The following ZNF75A variants were observed in gnomAD, a reference collection of about 807,000 sequenced individuals.
ZNF75A encodes zinc finger protein 75A.
A neutral mutation model predicts 46.3 loss-of-function variants in ZNF75A; 36 were observed. The ratio of observed to expected loss-of-function variants is 0.78; its 90% CI spans 0.60 to 1.03. ZNF75A has a LOEUF of 1.03. Ranked by LOEUF, ZNF75A falls within the 50% of genes least tolerant of loss-of-function variation. The pLI, the probability that ZNF75A is intolerant of heterozygous loss-of-function variation, is 0.00. For missense variants in ZNF75A, 595 were observed against 551.3 expected (o/e 1.08, Z -0.79); for synonymous variants, 234 against 189.9 (o/e 1.23, Z -1.91).
At chr16:3,312,083 C>A in intron 3 of ZNF75A, 135 bp downstream of exon 3, 1 of 259,464 alleles carries the variant, frequency 3.9e-6, no homozygotes, top group Non-Finnish European at 6.0e-6. Context: ...CTATGATGTC[C>A]TTCCAGGCAG....
chr16:3,308,177 AAAAC>A (rs538196550), intron 1 of ZNF75A, 132 bp from the exon 2 acceptor site: 71 of 153,136 alleles, frequency 4.6e-4, no homozygotes, highest in Admixed American at 1.2e-3. Context: ...GAAAAGGAGA[AAAAC>A]AAAGGGCCTG....
At chr16:3,321,924 C>G (rs536451208), downstream of ZNF75A, among the ~76,000 whole-genome samples, 37 of 152,334 alleles carry the variant, frequency 2.4e-4, no homozygotes, top group East Asian at 5.8e-3. Context: ...CCAGCAGCCT[C>G]TTTTATCCAA....
At position 3,311,782 on chromosome 16, in the gene ZNF75A, A is replaced by G; in HGVS notation, c.438A>G (p.Ala146=). The change falls in exon 3 of 7, where the codon GCA becomes GCG. Residue 146 remains alanine, a synonymous_variant. Transcript: ENST00000669516. Reference sequence around the variant, plus strand: ...CAGTCCATGAGCTGGGAAAGGAGGCAGTGCTCTTGGGAGAAACAGCAGAGG... The same window carrying G: ...CAGTCCATGAGCTGGGAAAGGAGGCGGTGCTCTTGGGAGAAACAGCAGAGG... ...GVAVHELGKE[A]VLLGETAEAS... 6 of 1,050,558 alleles carry G rather than the reference A, an allele frequency of 5.7e-6. No homozygotes were observed. Among genetic ancestry groups the G allele is most frequent in the Non-Finnish European group, 7.0e-6 (6 of 863,006 alleles). 65.1% of individuals were successfully genotyped at this position (1,050,558 alleles called of 1,614,324 possible).
chr16:3,321,844 G>C (rs368238771), downstream of ZNF75A, among the ~76,000 whole-genome samples: 5 of 152,290 alleles, frequency 3.3e-5, no homozygotes, highest in African/African-American at 9.6e-5. Context: ...AAAACTCCTA[G>C]GGTTTCTGTT....
intron 1 of ZNF75A, chr16:3,306,462 C>T (rs1202310097): frequency 6.6e-6 from 1 of 152,096 alleles, no homozygotes; most frequent in Non-Finnish European, 1.5e-5. Context: ...GCCTGTAATC[C>T]CAGCACTTTG....
rs1481656177 is a variant in ZNF75A at position 3,308,444 on chromosome 16, C to T, written c.16C>T (p.Leu6=). Residue 6 remains leucine (L), a synonymous_variant, in exon 2 of 7, where the codon CTG becomes TTG. Coordinates refer to ENST00000669516, the MANE Select transcript of ZNF75A (RefSeq NM_001302109.2). ...CTAGAGCAGAATGATGATGGTAGAT[C>T]TGAAAGTGGCTGCGTACTTGGACCC... MMMVD[L]KVAAYLDPQI... 15 of 985,758 alleles carry T rather than the reference C, an allele frequency of 1.5e-5. No homozygotes were observed. The highest frequency in any genetic ancestry group is 1.6e-5 in the Non-Finnish European group (13 of 829,962). 61.1% of individuals were successfully genotyped at this position (985,758 alleles called of 1,614,324 possible).
At chr16:3,323,050 T>TA (rs2030004006), downstream of ZNF75A, 1 of 643,618 alleles carries the variant, frequency 1.6e-6, no homozygotes, top group African/African-American at 1.9e-5. Flanking sequence ...TCTTTTTTTT[T>TA]AACCCTTCCT....
intron 2 of ZNF75A, among the ~76,000 whole-genome samples, chr16:3,310,411 A>G (rs1960666041): frequency 6.6e-6 from 1 of 151,844 alleles, no homozygotes; most frequent in South Asian, 2.1e-4. Context: ...AAATGTTTTT[A>G]AAAATTAGGA....
Position 3,317,972 on chromosome 16 carries a change from A to G in ZNF75A, c.*103A>G. 2 of 1,460,918 alleles carry G rather than the reference A, an allele frequency of 1.4e-6. No homozygotes were observed. Among genetic ancestry groups the G allele is most frequent in the Non-Finnish European group, 1.8e-6 (2 of 1,112,832 alleles). The allele number at this position is 1,460,918 out of a possible 1,614,324, so 90.5% of individuals were successfully genotyped here. ...AATCACAAACCTTGAAAAATTTTACATCAGAAAATGGGATAAACATACATT... is the reference window on the plus strand; with the variant it reads ...AATCACAAACCTTGAAAAATTTTACGTCAGAAAATGGGATAAACATACATT... On this transcript the variant is annotated 3_prime_UTR_variant, in exon 7 of 7. Transcript: ENST00000669516.
At chr16:3,313,665 CG>C (rs1459097047) in intron 5 of ZNF75A, among the ~76,000 whole-genome samples, 3 of 152,218 alleles carry the variant, frequency 2.0e-5, no homozygotes, top group African/African-American at 7.2e-5. Context: ...TTAACAGGTG[CG>C]CCTGCATCTC....
chr16:3,318,869 G>T, downstream of ZNF75A: 1 of 981,364 alleles, frequency 1.0e-6, no homozygotes, highest in Non-Finnish European at 1.2e-6. Context: ...GTTGGGCGAG[G>T]ATGAGCAAAT....
At chr16:3,310,766 A>G in intron 2 of ZNF75A, 1 of 985,434 alleles carries the variant, frequency 1.0e-6, no homozygotes, top group Non-Finnish European at 1.2e-6. Context: ...ACTGATGGGT[A>G]ATGTCCTCCC....
At chr16:3,307,735 T>A (rs566362135) in intron 1 of ZNF75A, 1 of 151,674 alleles carries the variant, frequency 6.6e-6, no homozygotes, top group Non-Finnish European at 1.5e-5. Flanking sequence ...CTCGCTATGT[T>A]GCTCAGGCTG....
rs752167654 is a variant in ZNF75A, at chr16:3,308,604, C to T, written c.176C>T (p.Ala59Val). 21 of 986,024 alleles carry T rather than the reference C, an allele frequency of 2.1e-5. No homozygotes were observed. The highest frequency in any genetic ancestry group is 3.5e-5 in the African/African-American group (2 of 57,242). The allele number at this position is 986,024 out of a possible 1,614,324, so 61.1% of individuals were successfully genotyped here. A position where few individuals can be genotyped will look rare whatever the true frequency, so the allele number is the denominator to read the frequency against. ...TTCCGGAATTTCACCTATGATGAAG[C>T]AGGTGGACCCCGTGAGGCTGTCAGC... is the stretch of plus-strand genomic sequence containing the variant. ...WHFRNFTYDEAGGPREAVSKL... is the reference protein window; with the variant it reads ...WHFRNFTYDEVGGPREAVSKL... Residue 59 changes from alanine (A) to valine (V), a missense_variant, in exon 2 of 7, where the codon GCA becomes GTA. Transcript: ENST00000669516.
In ZNF75A at chr16:3,317,624, C is replaced by A; in HGVS notation, c.1369C>A (p.Pro457Thr). 3.7e-6 allele frequency: 6 copies of A among 1,614,078 alleles called. No homozygotes were observed. The highest frequency in any genetic ancestry group is 5.1e-6 in the Non-Finnish European group (6 of 1,180,006). Residue 457 changes from proline to threonine, a missense_variant, in exon 7 of 7, where the codon CCA becomes ACA. Pro to Thr is a conservative substitution (Grantham distance 38). Coordinates refer to ENST00000669516, the MANE Select transcript of ZNF75A (RefSeq NM_001302109.2). ...CTTAACAACACACCAAGGAATAAAACCATATAAATGTTCATGGTGTGGGAA... is the reference window on the plus strand; with the variant it reads ...CTTAACAACACACCAAGGAATAAAAACATATAAATGTTCATGGTGTGGGAA... ...KHLTTHQGIK[P>T]YKCSWCGKSF...
At chr16:3,321,700 C>T (rs951997061), downstream of ZNF75A, among the ~76,000 whole-genome samples, 8 of 152,174 alleles carry the variant, frequency 5.3e-5, no homozygotes, top group Non-Finnish European at 1.2e-4. Context: ...AACTCCTAAG[C>T]TCAAGTGATC....
intron 2 of ZNF75A, chr16:3,310,794 T>A (rs1960712863): frequency 1.5e-5 from 15 of 985,450 alleles, no homozygotes; most frequent in Non-Finnish European, 1.8e-5. Flanking sequence ...GATGAAAGTC[T>A]CTACTGCCTT....
At position 3,317,395 on chromosome 16, in the gene ZNF75A, C is replaced by G; in HGVS notation, c.1140C>G (p.Thr380=). The stretch of plus-strand genomic sequence containing the variant: ...TGAAGAAAAGAAAGAAACTTTCAAC[C>G]TGGAAACAAGAGCTGCTCAAACTTA... ...FPVKKRKKLS[T]WKQELLKLMD... Residue 380 remains threonine, a synonymous_variant, in exon 7 of 7, where the codon ACC becomes ACG. Transcript: ENST00000669516. 3 of 1,614,072 alleles carry G rather than the reference C, an allele frequency of 1.9e-6. No homozygotes were observed. Among genetic ancestry groups the G allele is most frequent in the East Asian group, 4.5e-5 (2 of 44,876 alleles).
chr16:3,316,909 C>T lies in ZNF75A; in HGVS notation c.824-3C>T, dbSNP rs745586739. The stretch of plus-strand genomic sequence containing the variant: ...CCTTGACCTCATTTTGTCCATTTGA[C>T]AGCATTGTTTGTGCTCCCCAAACCT... On this transcript the variant is annotated splice_polypyrimidine_tract_variant and splice_region_variant and intron_variant, in intron 5 of 6. Coordinates refer to ENST00000669516, the MANE Select transcript of ZNF75A (RefSeq NM_001302109.2). 6 of 1,606,734 alleles carry T rather than the reference C, an allele frequency of 3.7e-6. No homozygotes were observed. Among genetic ancestry groups the T allele is most frequent in the Non-Finnish European group, 4.3e-6 (5 of 1,175,654 alleles).
Sources: allele counts gnomAD v4.1 joint callset (sites outside exome capture counted in the v4.1 genomes callset), GRCh38; gene constraint gnomAD v4.1.1; transcripts MANE v1.5; gene names NCBI Gene and HGNC (gene_info 2026-07-23, HGNC 2026-07-21).